DPEP1: variants seen among roughly 807,000 people sequenced by gnomAD.
DPEP1 encodes dipeptidase 1.
DPEP1 carries 50 observed loss-of-function variants against 42.3 expected under a neutral mutation model. The observed-to-expected ratio is 1.18, with a 90% CI of 0.94 to 1.50. The LOEUF (loss-of-function observed/expected upper bound fraction) is 1.50. Among genes scored for constraint, DPEP1 ranks in the 40% most tolerant of loss-of-function variants. The pLI is 0.00. For synonymous variants in DPEP1, 297 were observed against 234.0 expected (o/e 1.27, Z -2.46); for missense variants, 663 against 553.0 (o/e 1.20, Z -1.99).
intron 7 of DPEP1, 23 bp from the exon 8 acceptor site, chr16:89,637,445 A>G (rs1253271438): frequency 6.2e-7 from 1 of 1,612,606 alleles, no homozygotes; most frequent in Non-Finnish European, 8.5e-7. Context: ...TCTCAGCTTC[A>G]CCCTGTCTTC....
At chr16:89,620,036 G>A (rs889081481) in intron 1 of DPEP1, among the ~76,000 whole-genome samples, 35 of 147,446 alleles carry the variant, frequency 2.4e-4, no homozygotes, top group Admixed American at 6.1e-4. Context: ...CCCTCCCGCC[G>A]CAACCTCAGA....
intron 1 of DPEP1, among the ~76,000 whole-genome samples, chr16:89,620,232 G>T (rs72805581): frequency 0.02 from 3,047 of 152,176 alleles, 49 homozygotes; most frequent in South Asian, 0.072. Context: ...CAACTCCGGG[G>T]CCAGGGTCAG....
intron 1 of DPEP1, among the ~76,000 whole-genome samples, chr16:89,620,282 A>G (rs1301461134): frequency 6.6e-6 from 1 of 151,924 alleles, no homozygotes; most frequent in African/African-American, 2.4e-5. Context: ...GGGGTCTGCC[A>G]GTGGGGGGGA....
rs190313480 is a variant in DPEP1 at position 89,621,882 on chromosome 16, G to A, written c.-107+8163G>A. ...GATGATCTGTGTGTGGGGGGCGTGG[G>A]TAGGTCCGCATTGCCTGTGGCTGCC... is the stretch of plus-strand genomic sequence containing the variant. On this transcript the variant is annotated intron_variant, in intron 1 of 10. Transcript: ENST00000690203. 8.5e-5 allele frequency among the ~76,000 whole-genome samples: 13 copies of A among 152,302 alleles called. No individual in the cohort carries two copies. In the East Asian group the frequency reaches 2.1e-3, roughly 25 times the overall value.
chr16:89,626,849 G>C (rs1004641488), intron 1 of DPEP1, among the ~76,000 whole-genome samples: 1 of 152,052 alleles, frequency 6.6e-6, no homozygotes, highest in Non-Finnish European at 1.5e-5. Flanking sequence ...CAGGCGCGGT[G>C]GCTCATGCCT....
Position 89,638,187 on chromosome 16 carries a change from C to T in DPEP1, c.1201C>T (p.Leu401Phe), listed in dbSNP as rs1168085525. Residue 401 changes from leucine (L) to phenylalanine (F), a missense_variant, in exon 11 of 11, where the codon CTC becomes TTC. Leu to Phe is a conservative substitution (Grantham distance 22, BLOSUM62 0). Coordinates refer to ENST00000690203, the MANE Select transcript of DPEP1 (RefSeq NM_001389466.1). The stretch of plus-strand genomic sequence containing the variant: ...CCACTGGGGGCTCCTGCTGGCCTCC[C>T]TCGCTCCCCTGGTCCTCTGTCTGTC... ...HRHWGLLLAS[L>F]APLVLCLSLL is the part of the protein sequence containing the mutation. 1.9e-6 allele frequency: 3 copies of T among 1,594,638 alleles called. No homozygotes were observed. The highest frequency in any genetic ancestry group is 2.6e-6 in the Non-Finnish European group (3 of 1,168,894).
chr16:89,628,812 G>A (rs1470395244), intron 1 of DPEP1, among the ~76,000 whole-genome samples: 1 of 151,812 alleles, frequency 6.6e-6, no homozygotes, highest in Admixed American at 6.6e-5. Context: ...TGGGGGAGGG[G>A]GGGCGGTTTG....
intron 5 of DPEP1, 35 bp downstream of exon 5, chr16:89,636,718 G>C: frequency 6.2e-7 from 1 of 1,608,998 alleles, no homozygotes; most frequent in Non-Finnish European, 8.5e-7. Context: ...CCCGGGCTGT[G>C]GTCAGGAGGG....
At chr16:89,614,667 C>G (rs546072183) in intron 1 of DPEP1, among the ~76,000 whole-genome samples, 2 of 152,136 alleles carry the variant, frequency 1.3e-5, no homozygotes, top group Non-Finnish European at 2.9e-5. Flanking sequence ...TGGTGGCGGG[C>G]GCCTGTAGTC....
rs2059700179 is a variant in DPEP1, at chr16:89,637,612, A to G, written c.854-20A>G. On this transcript the variant is annotated intron_variant, in intron 8 of 10. Coordinates refer to ENST00000690203, the MANE Select transcript of DPEP1 (RefSeq NM_001389466.1). ...GGGGAGGGCCTCACTCGGGACCCAT[A>G]CCTGCTGCTCCCTGGACAGACCATC... 1.2e-6 allele frequency: 2 copies of G among 1,612,686 alleles called. No homozygotes were observed. The highest frequency in any genetic ancestry group is 2.7e-5 in the African/African-American group (2 of 74,910).
intron 1 of DPEP1, among the ~76,000 whole-genome samples, chr16:89,621,126 G>A (rs928586626): frequency 1.3e-5 from 2 of 152,230 alleles, no homozygotes; most frequent in African/African-American, 4.8e-5. Context: ...TGTGTCTGGA[G>A]GATGGGGTAG....
chr16:89,620,420 C>T (rs998926948), intron 1 of DPEP1, among the ~76,000 whole-genome samples: 4 of 152,174 alleles, frequency 2.6e-5, no homozygotes, highest in African/African-American at 7.2e-5. Flanking sequence ...TACACTACTG[C>T]CTGGGGGGCC....
chr16:89,634,360 T>A (rs946548964), intron 2 of DPEP1, among the ~76,000 whole-genome samples: 1 of 152,100 alleles, frequency 6.6e-6, no homozygotes, highest in African/African-American at 2.4e-5. Context: ...GTGCTGGGAT[T>A]ACAGGCATGA....
intron 2 of DPEP1, among the ~76,000 whole-genome samples, chr16:89,633,867 C>T (rs1034427247): frequency 6.6e-6 from 1 of 152,174 alleles, no homozygotes; most frequent in East Asian, 1.9e-4. Flanking sequence ...ACAAGGCAGT[C>T]CCCCCGAGAC....
intron 1 of DPEP1, among the ~76,000 whole-genome samples, chr16:89,617,385 G>A (rs2059388924): frequency 2.0e-5 from 3 of 152,170 alleles, no homozygotes; most frequent in African/African-American, 7.2e-5. Context: ...TCAGCACGGT[G>A]CCTGCATGGA....
At chr16:89,620,117 G>T (rs542471482) in intron 1 of DPEP1, among the ~76,000 whole-genome samples, 7 of 151,868 alleles carry the variant, frequency 4.6e-5, no homozygotes, top group African/African-American at 1.7e-4. Context: ...TCGAAAGCCC[G>T]TGTGGCTTTG....
intron 1 of DPEP1, among the ~76,000 whole-genome samples, chr16:89,628,327 A>G (rs545053366): frequency 1.4e-5 from 2 of 142,458 alleles, no homozygotes; most frequent in South Asian, 4.4e-4. Flanking sequence ...GCGCGATCAC[A>G]GCTCATGGCA....
intron 1 of DPEP1, among the ~76,000 whole-genome samples, chr16:89,621,018 C>T (rs1007211977): frequency 2.0e-5 from 3 of 151,502 alleles, no homozygotes; most frequent in South Asian, 2.1e-4. Flanking sequence ...GGCCTCAGCT[C>T]GTGCCATCAC....
At chr16:89,628,934 C>T (rs2059550459) in intron 1 of DPEP1, among the ~76,000 whole-genome samples, 1 of 152,000 alleles carries the variant, frequency 6.6e-6, no homozygotes, top group African/African-American at 2.4e-5. Flanking sequence ...TCAAGTGATT[C>T]TCCTGCCTCA....
Sources: allele counts gnomAD v4.1 joint callset (sites outside exome capture counted in the v4.1 genomes callset), GRCh38; gene constraint gnomAD v4.1.1; transcripts MANE v1.5; gene names NCBI Gene and HGNC (gene_info 2026-07-23, HGNC 2026-07-21).